Variants in TTLL11 observed in about 807,000 individuals in gnomAD.
The protein encoded by TTLL11 is tubulin tyrosine ligase like 11, also known as tubulin polyglutamylase TTLL11.
A neutral mutation model predicts 51.7 loss-of-function variants in TTLL11; 42 were observed. The observed-to-expected ratio is 0.81, with a 90% CI of 0.64 to 1.05. The LOEUF is 1.05. Among genes scored for constraint, TTLL11 ranks in the 50% least tolerant of loss-of-function variants. The probability of loss-of-function intolerance (pLI) is 0.00; values close to 1 mark genes in which losing one functional copy is unlikely to be tolerated. For synonymous variants in TTLL11, 381 were observed against 383.5 expected (o/e 0.99, Z 0.08); for missense variants, 799 against 940.4 (o/e 0.85, Z 1.97).
intron 8 of TTLL11, among the ~76,000 whole-genome samples, chr9:121,852,394 T>C (rs1183203183): frequency 2.6e-5 from 4 of 151,902 alleles, no homozygotes; most frequent in East Asian, 1.9e-4. Flanking sequence ...GGTAGCAGAG[T>C]ATTGAAACCC....
At chr9:122,073,557 G>T (rs75751937) in intron 1 of TTLL11, among the ~76,000 whole-genome samples, 2,913 of 152,302 alleles carry the variant, frequency 0.019, 40 homozygotes, top group Middle Eastern at 0.034. Context: ...GGAAGGAGCT[G>T]GGAAGGCTTC....
intron 6 of TTLL11, among the ~76,000 whole-genome samples, chr9:121,878,883 C>T (rs1000621469): frequency 7.2e-5 from 11 of 152,130 alleles, no homozygotes; most frequent in African/African-American, 1.7e-4. Flanking sequence ...GTGCTCCAGT[C>T]GCCTCCTCCT....
chr9:121,834,277 G>A (rs1837113973), intron 8 of TTLL11, among the ~76,000 whole-genome samples: 1 of 152,108 alleles, frequency 6.6e-6, no homozygotes, highest in Non-Finnish European at 1.5e-5. Flanking sequence ...CCTGGGGCTG[G>A]GGTCTCGAAG....
At chr9:122,082,939 T>C (rs1846036142) in intron 1 of TTLL11, among the ~76,000 whole-genome samples, 1 of 151,916 alleles carries the variant, frequency 6.6e-6, no homozygotes, top group South Asian at 2.1e-4. Context: ...GTTGCTGAGG[T>C]GGGAGGATGG....
At chr9:121,898,600 C>G (rs187106202) in intron 6 of TTLL11, among the ~76,000 whole-genome samples, 1 of 152,332 alleles carries the variant, frequency 6.6e-6, no homozygotes, top group East Asian at 1.9e-4. Flanking sequence ...CAGAGCAACC[C>G]AAGGTCAAGT....
intron 8 of TTLL11, among the ~76,000 whole-genome samples, chr9:121,824,693 C>T (rs1421268120): frequency 6.6e-6 from 1 of 152,072 alleles, no homozygotes; most frequent in Admixed American, 6.6e-5. Context: ...GGGATCTAAA[C>T]CTATAGGAGT....
chr9:121,828,168 T>C (rs776601151), intron 8 of TTLL11, among the ~76,000 whole-genome samples: 2 of 140,148 alleles, frequency 1.4e-5, no homozygotes, highest in African/African-American at 2.5e-5. Flanking sequence ...ATAACACACA[T>C]TGAACTTTTT....
intron 6 of TTLL11, among the ~76,000 whole-genome samples, chr9:121,876,585 T>C (rs1838574028): frequency 6.6e-6 from 1 of 152,154 alleles, no homozygotes; most frequent in Non-Finnish European, 1.5e-5. Flanking sequence ...TTGGACTTAG[T>C]AGTGTAGGGA....
chr9:121,827,674 A>G (rs1214206161), intron 8 of TTLL11, among the ~76,000 whole-genome samples: 1 of 152,164 alleles, frequency 6.6e-6, no homozygotes, highest in Non-Finnish European at 1.5e-5. Flanking sequence ...GGCCCATTCT[A>G]ATAGCCCTTT....
chr9:121,883,878 A>G (rs968481516), intron 6 of TTLL11, among the ~76,000 whole-genome samples: 2 of 152,140 alleles, frequency 1.3e-5, no homozygotes, highest in African/African-American at 4.8e-5. Flanking sequence ...GGGAGGATGA[A>G]TCACGCAGGC....
At chr9:121,999,809 C>T (rs1407542669) in intron 3 of TTLL11, among the ~76,000 whole-genome samples, 1 of 152,226 alleles carries the variant, frequency 6.6e-6, no homozygotes, top group Non-Finnish European at 1.5e-5. Context: ...CAGCCCCCAT[C>T]ACAGGCAAGG....
chr9:122,089,872 T>G (rs1400116570), intron 1 of TTLL11, among the ~76,000 whole-genome samples: 1 of 152,186 alleles, frequency 6.6e-6, no homozygotes, highest in African/African-American at 2.4e-5. Flanking sequence ...CACTGCATCC[T>G]TGAACTCCTG....
chr9:122,048,342 C>T (rs1000613549), intron 1 of TTLL11, among the ~76,000 whole-genome samples: 6 of 151,922 alleles, frequency 3.9e-5, no homozygotes, highest in Admixed American at 3.3e-4. Context: ...ATATCTTTTA[C>T]TTTTTGTAGA....
chr9:122,047,428 A>C (rs1845038446), intron 1 of TTLL11, among the ~76,000 whole-genome samples: 1 of 152,206 alleles, frequency 6.6e-6, no homozygotes, highest in Non-Finnish European at 1.5e-5. Flanking sequence ...GGGTGGCTGC[A>C]GCAGAGAGGA....
At chr9:121,938,294 G>A (rs56339613) in intron 6 of TTLL11, among the ~76,000 whole-genome samples, 39,193 of 123,588 alleles carry the variant, frequency 0.32, 5,946 homozygotes, top group African/African-American at 0.42. Context: ...GTCTCAAAAA[G>A]AAAAAAAAAA....
chr9:121,837,041 T>C (rs1255856496), intron 8 of TTLL11, among the ~76,000 whole-genome samples: 1 of 152,232 alleles, frequency 6.6e-6, no homozygotes, highest in African/African-American at 2.4e-5. Context: ...GCTACCGTAC[T>C]GCACTTACAC....
At chr9:122,060,066 T>C (rs2131867933) in intron 1 of TTLL11, among the ~76,000 whole-genome samples, 1 of 152,330 alleles carries the variant, frequency 6.6e-6, no homozygotes, top group Non-Finnish European at 1.5e-5. Flanking sequence ...AACTCTTCCT[T>C]GAAAGGGCTG....
At chr9:122,030,236 G>C (rs905227785) in intron 3 of TTLL11, among the ~76,000 whole-genome samples, 1 of 149,558 alleles carries the variant, frequency 6.7e-6, no homozygotes, top group Non-Finnish European at 1.5e-5. Context: ...GAACAGCTGA[G>C]AGTTATCTTT....
intron 1 of TTLL11, among the ~76,000 whole-genome samples, chr9:122,079,373 CT>C (rs956654500): frequency 3.3e-5 from 5 of 151,864 alleles, no homozygotes; most frequent in South Asian, 2.1e-4. Flanking sequence ...CCCCCTCCCC[CT>C]TTTTTTTAAC....
Sources: allele counts gnomAD v4.1 joint callset (sites outside exome capture counted in the v4.1 genomes callset), GRCh38; gene constraint gnomAD v4.1.1; transcripts MANE v1.5; gene names NCBI Gene and HGNC (gene_info 2026-07-23, HGNC 2026-07-21).